Variants in CNNM1 observed in about 807,000 individuals in gnomAD.
CNNM1 encodes cyclin and CBS domain divalent metal cation transport mediator 1, also known as metal transporter CNNM1.
A neutral mutation model predicts 78.8 loss-of-function variants in CNNM1; 44 were observed. The observed-to-expected ratio is 0.56, with a 90% CI of 0.44 to 0.72. CNNM1 has a LOEUF of 0.72. CNNM1 is among the 30% of genes least tolerant of loss of function. The probability of loss-of-function intolerance (pLI) is 0.00; values close to 1 mark genes in which losing one functional copy is unlikely to be tolerated. For synonymous variants in CNNM1, 584 were observed against 581.5 expected, an observed-to-expected ratio of 1.00 and a Z score of -0.06; for missense variants, 1,101 against 1,292.2, an observed-to-expected ratio of 0.85 and a Z score of 2.27.
chr10:99,356,564 G>GACAGACAGAAAGAAAGAAAAGA (rs1554940021), intron 1 of CNNM1, among the ~76,000 whole-genome samples: 56 of 98,240 alleles, frequency 5.7e-4, no homozygotes, highest in Middle Eastern at 4.2e-3. Flanking sequence ...CAGACAGACA[G>GACAGACAGAAAGAAAGAAAAGA]AAAGAAAGAA....
At chr10:99,353,689 G>A (rs1255629487) in intron 1 of CNNM1, among the ~76,000 whole-genome samples, 2 of 152,208 alleles carry the variant, frequency 1.3e-5, no homozygotes, top group African/African-American at 4.8e-5. Flanking sequence ...AATAAGGATT[G>A]TGATTGACAA....
chr10:99,331,959 T>C (rs117688340), intron 1 of CNNM1, among the ~76,000 whole-genome samples: 1,589 of 152,314 alleles, frequency 0.01, 17 homozygotes, highest in Non-Finnish European at 0.015. Flanking sequence ...GCTTATAACA[T>C]GTTTACTTCA....
At chr10:99,367,713 G>T (rs1002345768) in intron 6 of CNNM1, among the ~76,000 whole-genome samples, 1 of 152,144 alleles carries the variant, frequency 6.6e-6, no homozygotes, top group African/African-American at 2.4e-5. Context: ...ATTTGATGTA[G>T]CAAATAAAAC....
chr10:99,342,673 A>C (rs2030505884), intron 1 of CNNM1, among the ~76,000 whole-genome samples: 1 of 151,982 alleles, frequency 6.6e-6, no homozygotes, highest in Admixed American at 6.6e-5. Flanking sequence ...GTATAGTTAA[A>C]AACAACAACA....
intron 6 of CNNM1, among the ~76,000 whole-genome samples, chr10:99,366,945 CA>C (rs1051535119): frequency 2.4e-4 from 37 of 152,094 alleles, no homozygotes; most frequent in Non-Finnish European, 8.8e-5. Flanking sequence ...TGAAAAGAAA[CA>C]TAGCACTCTT....
chr10:99,344,882 C>G (rs1186352629), intron 1 of CNNM1, among the ~76,000 whole-genome samples: 1 of 152,214 alleles, frequency 6.6e-6, no homozygotes, highest in Non-Finnish European at 1.5e-5. Flanking sequence ...CCGTTCTCCT[C>G]CCTTGCTAAT....
At chr10:99,341,389 C>G (rs748886014) in intron 1 of CNNM1, among the ~76,000 whole-genome samples, 1 of 151,968 alleles carries the variant, frequency 6.6e-6, no homozygotes, top group Non-Finnish European at 1.5e-5. Flanking sequence ...TACCAGGGCT[C>G]GGCAGATAGA....
chr10:99,343,807 T>C (rs1202261260), intron 1 of CNNM1, among the ~76,000 whole-genome samples: 1 of 151,924 alleles, frequency 6.6e-6, no homozygotes, highest in Non-Finnish European at 1.5e-5. Context: ...CTCTGCCTCC[T>C]GGGTTCAAGC....
At chr10:99,356,562 C>CAGAAAGAAAGAAAGAAA (rs1554940019) in intron 1 of CNNM1, among the ~76,000 whole-genome samples, 72 of 98,536 alleles carry the variant, frequency 7.3e-4, no homozygotes, top group Admixed American at 2.9e-3. Context: ...GACAGACAGA[C>CAGAAAGAAAGAAAGAAA]AGAAAGAAAG....
In CNNM1 at chr10:99,357,677, T is replaced by G. The variant is rs760231166; in HGVS notation, c.1717+22T>G. ...TACAGTAAGTGCACGGCCTTGGCTG[T>G]TCTCCAGGGTCATCTTATTTTCCTC... On this transcript the variant is annotated intron_variant, in intron 2 of 10. Transcript: ENST00000356713. 1.5e-5 allele frequency: 23 copies of G among 1,558,920 alleles called. No individual in the cohort carries two copies. The East Asian group carries it at 4.8e-4, about 33-fold the overall frequency.
intron 4 of CNNM1, 50 bp from the exon 5 acceptor site, chr10:99,364,367 T>G: frequency 7.2e-7 from 1 of 1,381,074 alleles, no homozygotes; most frequent in Non-Finnish European, 1.0e-6. Flanking sequence ...ATAGTAGAAC[T>G]GGAAGTGCTC....
chr10:99,380,723 G>A (rs936066893), intron 7 of CNNM1, among the ~76,000 whole-genome samples: 6 of 151,850 alleles, frequency 4.0e-5, no homozygotes, highest in Middle Eastern at 3.2e-3. Flanking sequence ...CCTGGGAGGC[G>A]GAGGTGGCAG....
chr10:99,380,860 GA>G (rs1589919994), intron 7 of CNNM1, among the ~76,000 whole-genome samples: 1 of 151,784 alleles, frequency 6.6e-6, no homozygotes, highest in East Asian at 1.9e-4. Flanking sequence ...AGAACATAAG[GA>G]AAGGGAACAT....
At chr10:99,361,035 A>G (rs919222880) in intron 3 of CNNM1, 60 bp downstream of exon 3, 42 of 1,495,408 alleles carry the variant, frequency 2.8e-5, no homozygotes, top group Non-Finnish European at 3.8e-5. Flanking sequence ...GGACCCAGGC[A>G]CCAATCGTTG....
At position 99,330,225 on chromosome 10, in the gene CNNM1, A is replaced by G; in HGVS notation, c.838A>G (p.Thr280Ala). The G allele has an allele frequency of 6.6e-7, 1 of 1,521,696 alleles. No homozygotes were observed. Among genetic ancestry groups the G allele is most frequent in the Non-Finnish European group, 8.8e-7 (1 of 1,138,260 alleles). The allele number at this position is 1,521,696 out of a possible 1,614,324, so 94.3% of individuals were successfully genotyped here. A position where few individuals can be genotyped will look rare whatever the true frequency, so the allele number is the denominator to read the frequency against. The change falls in exon 1 of 11, where the codon ACC becomes GCC. Residue 280 changes from threonine to alanine, a missense_variant. Around this residue, in one of 3 missense-constraint regions of CNNM1, gnomAD observed 476 missense variants for 484.5 expected, o/e 0.98. Coordinates refer to ENST00000356713, the MANE Select transcript of CNNM1 (RefSeq NM_020348.3). ...CGTGCAGGCCGTTCGCGGCAGGGGG[A>G]CCCATCTGCTCTGCACCCTACTCCT... ...RRVQAVRGRG[T>A]HLLCTLLLGQ...
chr10:99,344,767 T>C (rs1304205317), intron 1 of CNNM1, among the ~76,000 whole-genome samples: 1 of 152,132 alleles, frequency 6.6e-6, no homozygotes, highest in Non-Finnish European at 1.5e-5. Flanking sequence ...CTCCAAGCAG[T>C]CTACTAAAAT....
chr10:99,362,100 A>T, intron 3 of CNNM1, 127 bp from the exon 4 acceptor site: 1 of 840,230 alleles, frequency 1.2e-6, no homozygotes, highest in Non-Finnish European at 1.8e-6. Flanking sequence ...AGCCCTGCCA[A>T]CCTGATGCCC....
At chr10:99,357,996 C>G (rs914932699) in intron 2 of CNNM1, among the ~76,000 whole-genome samples, 1 of 152,148 alleles carries the variant, frequency 6.6e-6, no homozygotes, top group African/African-American at 2.4e-5. Context: ...TTGTTTCTGT[C>G]CCCTGTGTTC....
intron 10 of CNNM1, among the ~76,000 whole-genome samples, chr10:99,391,110 G>A (rs535791972): frequency 3.9e-5 from 6 of 152,338 alleles, no homozygotes; most frequent in East Asian, 1.9e-4. Flanking sequence ...GCAGTCAGAG[G>A]GGCTGGCCCC....
Sources: gnomAD v4.1 joint callset for allele counts (sites outside exome capture counted in the v4.1 genomes callset) on GRCh38, gnomAD v4.1.1 for gene constraint, gnomAD v4.1.1 regional missense constraint, MANE v1.5 for transcripts, NCBI Gene and HGNC (gene_info 2026-07-23, HGNC 2026-07-21) for gene names.